Variants in UGGT2 observed in about 807,000 individuals in gnomAD.
UGGT2 encodes the protein UDP-glucose:glycoprotein glucosyltransferase 2.
Under a neutral mutation model 192.1 loss-of-function variants are expected in UGGT2, and 180 were observed. The ratio of observed to expected loss-of-function variants is 0.94; its 90% CI spans 0.83 to 1.06. The LOEUF (loss-of-function observed/expected upper bound fraction) is 1.06, where lower values mean the gene tolerates loss of function less well. Among genes scored for constraint, UGGT2 ranks in the 50% least tolerant of loss-of-function variants. The pLI is 0.00. For missense variants in UGGT2, 1,849 were observed against 1,795.7 expected, an observed-to-expected ratio of 1.03 and a Z score of -0.54; for synonymous variants, 580 against 591.0, an observed-to-expected ratio of 0.98 and a Z score of 0.27.
At chr13:96,029,690 T>C (rs2052774262) in intron 2 of UGGT2, among the ~76,000 whole-genome samples, 1 of 152,204 alleles carries the variant, frequency 6.6e-6, no homozygotes, top group Non-Finnish European at 1.5e-5. Context: ...GAGCTTATAT[T>C]CCAGCTTGTG....
chr13:95,850,752 T>C (rs1318913865), intron 36 of UGGT2, among the ~76,000 whole-genome samples: 12 of 152,238 alleles, frequency 7.9e-5, no homozygotes, highest in Admixed American at 7.8e-4. Context: ...GTCCTTTATA[T>C]AGATTCTTCT....
chr13:95,938,865 A>T (rs888558049), intron 16 of UGGT2, among the ~76,000 whole-genome samples: 3 of 152,080 alleles, frequency 2.0e-5, no homozygotes, highest in African/African-American at 7.2e-5. Flanking sequence ...TTCTTCCAAA[A>T]GCCTACTAGT....
In UGGT2 at chr13:96,040,306, T is replaced by G. The variant is rs539079709; in HGVS notation, c.159-8335A>C. ...CTCTGAAGGCTCTAAGGGAGACTGT[T>G]CCATCCTGGTGGCTTCAGCTGTTCC... On this transcript the variant is annotated intron_variant, in intron 1 of 38. Coordinates refer to ENST00000376747, the MANE Select transcript of UGGT2 (RefSeq NM_020121.4). 9.2e-5 allele frequency among the ~76,000 whole-genome samples: 14 copies of G among 152,312 alleles called. No homozygotes were observed. In the South Asian group the frequency reaches 1.2e-3, roughly 14 times the overall value.
chr13:95,898,819 G>A (rs912416716), intron 22 of UGGT2, among the ~76,000 whole-genome samples: 8 of 152,184 alleles, frequency 5.3e-5, no homozygotes, highest in Non-Finnish European at 1.2e-4. Context: ...TCAGATGCCA[G>A]TGCCTTGATC....
intron 7 of UGGT2, chr13:95,991,526 T>G (rs1198071031): frequency 2.2e-6 from 1 of 444,942 alleles, no homozygotes; most frequent in Admixed American, 2.5e-5. Context: ...GGTAATCTTA[T>G]AGTTACGAAT....
chr13:96,011,474 T>C (rs1254857864), intron 5 of UGGT2, among the ~76,000 whole-genome samples: 2 of 152,066 alleles, frequency 1.3e-5, no homozygotes, highest in Non-Finnish European at 2.9e-5. Context: ...CACAATGAGA[T>C]ACCACTGTGT....
At chr13:95,993,892 C>G (rs1320820668) in intron 7 of UGGT2, among the ~76,000 whole-genome samples, 3 of 152,008 alleles carry the variant, frequency 2.0e-5, no homozygotes, top group Non-Finnish European at 4.4e-5. Context: ...GAAATTACAG[C>G]CATCCCCATT....
intron 20 of UGGT2, 54 bp downstream of exon 20, chr13:95,925,624 GCT>G: frequency 8.4e-7 from 1 of 1,185,154 alleles, no homozygotes. Context: ...TCTTCATATT[GCT>G]TTCCTTAAAT....
intron 38 of UGGT2, among the ~76,000 whole-genome samples, chr13:95,818,439 C>T (rs1449662402): frequency 6.6e-6 from 1 of 152,098 alleles, no homozygotes; most frequent in African/African-American, 2.4e-5. Flanking sequence ...AAAACAAAAT[C>T]CACAAACAAC....
At chr13:95,956,981 A>G (rs1472998467) in intron 12 of UGGT2, among the ~76,000 whole-genome samples, 1 of 152,250 alleles carries the variant, frequency 6.6e-6, no homozygotes, top group Non-Finnish European at 1.5e-5. Context: ...CATTCAATGA[A>G]ATATTATTCA....
intron 4 of UGGT2, among the ~76,000 whole-genome samples, chr13:96,018,111 C>T (rs1594582416): frequency 6.6e-6 from 1 of 152,108 alleles, no homozygotes. Context: ...CAAGAACATG[C>T]TAGTAAAAAA....
chr13:95,824,567 T>G (rs1393645568), intron 38 of UGGT2, among the ~76,000 whole-genome samples: 3 of 152,206 alleles, frequency 2.0e-5, no homozygotes. Context: ...GTCTACATGT[T>G]GTAGTCTATT....
intron 38 of UGGT2, among the ~76,000 whole-genome samples, chr13:95,816,521 T>A (rs1884909800): frequency 6.6e-6 from 1 of 152,188 alleles, no homozygotes; most frequent in Non-Finnish European, 1.5e-5. Context: ...AGGATAAGCA[T>A]AGAATAGTAT....
chr13:95,976,281 T>C (rs993736866), intron 10 of UGGT2, among the ~76,000 whole-genome samples: 1 of 152,200 alleles, frequency 6.6e-6, no homozygotes, highest in African/African-American at 2.4e-5. Context: ...TAATATTCCA[T>C]TGTGTCTATG....
chr13:95,878,121 G>A (rs2047393776), intron 27 of UGGT2, among the ~76,000 whole-genome samples: 1 of 151,754 alleles, frequency 6.6e-6, no homozygotes, highest in African/African-American at 2.4e-5. Flanking sequence ...GGAAAGACGT[G>A]AACATGAGAT....
At chr13:95,904,909 C>T (rs1057309703) in intron 20 of UGGT2, among the ~76,000 whole-genome samples, 3 of 151,436 alleles carry the variant, frequency 2.0e-5, no homozygotes, top group African/African-American at 7.3e-5. Context: ...TACAGTCCCA[C>T]CAACAGTGTA....
At chr13:96,017,362 A>T (rs1332980840) in intron 4 of UGGT2, among the ~76,000 whole-genome samples, 2 of 151,976 alleles carry the variant, frequency 1.3e-5, no homozygotes, top group Non-Finnish European at 2.9e-5. Flanking sequence ...GGCCCCCCTT[A>T]CTCTCTTGCT....
chr13:95,918,271 T>G (rs924885016), intron 20 of UGGT2, among the ~76,000 whole-genome samples: 1 of 152,222 alleles, frequency 6.6e-6, no homozygotes, highest in Non-Finnish European at 1.5e-5. Flanking sequence ...AACCTGCTCC[T>G]GAATGACTCT....
At chr13:95,884,221 G>T (rs2140196402) in intron 27 of UGGT2, among the ~76,000 whole-genome samples, 1 of 152,140 alleles carries the variant, frequency 6.6e-6, no homozygotes, top group South Asian at 2.1e-4. Context: ...GCTCATCTTA[G>T]AGAAATGTCT....
Sources: allele counts gnomAD v4.1 joint callset (sites outside exome capture counted in the v4.1 genomes callset), GRCh38; gene constraint gnomAD v4.1.1; transcripts MANE v1.5; gene names NCBI Gene and HGNC (gene_info 2026-07-23, HGNC 2026-07-21).